The following CRHR1 variants were observed in gnomAD, a reference collection of about 807,000 sequenced individuals.
CRHR1 encodes corticotropin releasing hormone receptor 1, also known as corticotropin-releasing hormone receptor 1.
A neutral mutation model predicts 56.0 loss-of-function variants in CRHR1; 28 were observed. That is an observed-to-expected ratio of 0.50 (90% CI 0.37 to 0.69). The LOEUF is 0.69. CRHR1 is among the 30% of genes least tolerant of loss of function. CRHR1 has a pLI of 0.00. For missense variants in CRHR1, 376 were observed against 548.0 expected, an observed-to-expected ratio of 0.69 and a Z score of 3.13; for synonymous variants, 195 against 216.5, an observed-to-expected ratio of 0.90 and a Z score of 0.87.
At chr17:45,809,728 C>T (rs772997136) in intron 2 of CRHR1, among the ~76,000 whole-genome samples, 3 of 152,236 alleles carry the variant, frequency 2.0e-5, no homozygotes, top group Non-Finnish European at 4.4e-5. Flanking sequence ...GCCGGGGCGG[C>T]TGGCACCGAG....
intron 8 of CRHR1, among the ~76,000 whole-genome samples, chr17:45,831,813 C>T (rs1329946266): frequency 1.3e-5 from 2 of 152,208 alleles, no homozygotes; most frequent in East Asian, 1.9e-4. Context: ...ACGGACCTGG[C>T]GTCCAAGTGG....
intron 1 of CRHR1, among the ~76,000 whole-genome samples, chr17:45,785,635 G>A (rs746949827): frequency 2.1e-4 from 32 of 152,192 alleles, no homozygotes; most frequent in Non-Finnish European, 2.6e-4. Flanking sequence ...AAGAGACTTC[G>A]GTGGATTTGG....
At chr17:45,806,588 T>C (rs1458150117) in intron 1 of CRHR1, among the ~76,000 whole-genome samples, 2 of 152,044 alleles carry the variant, frequency 1.3e-5, no homozygotes, top group African/African-American at 4.8e-5. Flanking sequence ...TCAGCGGCCA[T>C]GGTGGTCAGC....
intron 2 of CRHR1, among the ~76,000 whole-genome samples, chr17:45,813,871 C>A (rs1445110352): frequency 1.3e-5 from 2 of 152,356 alleles, no homozygotes; most frequent in East Asian, 3.9e-4. Flanking sequence ...CCTGCCCACC[C>A]CTTGAAGGTC....
intron 4 of CRHR1, among the ~76,000 whole-genome samples, chr17:45,823,876 C>T (rs2143155621): frequency 6.6e-6 from 1 of 151,028 alleles, no homozygotes; most frequent in Non-Finnish European, 1.5e-5. Context: ...CTCACGAGTT[C>T]TTCCACGGTG....
intron 5 of CRHR1, 67 bp from the exon 6 acceptor site, chr17:45,830,027 G>A (rs1275937975): frequency 1.2e-6 from 2 of 1,602,332 alleles, no homozygotes; most frequent in African/African-American, 1.3e-5. Context: ...CTGGGGTGAT[G>A]GAGGTGGCCT....
chr17:45,831,787 G>A (rs1220722544), intron 8 of CRHR1, among the ~76,000 whole-genome samples: 1 of 152,222 alleles, frequency 6.6e-6, no homozygotes, highest in Non-Finnish European at 1.5e-5. Flanking sequence ...AGTGTTCCCG[G>A]GAACCTATCT....
chr17:45,821,340 C>T lies in CRHR1; in HGVS notation c.242-15C>T. On this transcript the variant is annotated splice_polypyrimidine_tract_variant and intron_variant, in intron 3 of 12. Coordinates refer to ENST00000314537, the MANE Select transcript of CRHR1 (RefSeq NM_004382.5). ...GGGCTGCCCCGCCATCACTGCCTCT[C>T]TCTTCCTTTTCCAGACAATGGCTAC... 1.2e-6 allele frequency: 2 copies of T among 1,612,918 alleles called. No homozygotes were observed. Among genetic ancestry groups the T allele is most frequent in the Middle Eastern group, 1.7e-4 (1 of 6,058 alleles).
At chr17:45,788,517 A>AATT (rs1368722149) in intron 1 of CRHR1, among the ~76,000 whole-genome samples, 3 of 152,164 alleles carry the variant, frequency 2.0e-5, no homozygotes, top group African/African-American at 7.2e-5. Flanking sequence ...ACTTGGACCT[A>AATT]AGTACTCTCT....
In CRHR1 at chr17:45,791,850, TCTCACACA is replaced by T. The variant is rs1555648329; in HGVS notation, c.33+7275_33+7282del. Among the ~76,000 whole-genome samples the T allele has an allele frequency of 8.4e-4, 94 of 112,266 alleles. 1 individual carries two copies. Among genetic ancestry groups the T allele is most frequent in the African/African-American group, 2.6e-3 (85 of 32,636 alleles). The allele number at this position is 112,266 out of a possible 152,430, so 73.7% of individuals were successfully genotyped here. A position where few individuals can be genotyped will look rare whatever the true frequency, so the allele number is the denominator to read the frequency against. On this transcript the variant is annotated intron_variant, in intron 1 of 12. Transcript: ENST00000314537. ...CTCTCTCTTTCTCTCTCTCTCTCTC[TCTCACACA>T]CACACACACACACACACACACACAC...
In CRHR1 at chr17:45,823,870, C is replaced by A. The variant is rs150712807; in HGVS notation, c.327+2430C>A. 2.6e-3 allele frequency among the ~76,000 whole-genome samples: 391 copies of A among 152,276 alleles called. 2 individuals are homozygous for A. The highest frequency in any genetic ancestry group is 8.6e-3 in the African/African-American group (356 of 41,578). On this transcript the variant is annotated intron_variant, in intron 4 of 12. Transcript: ENST00000314537. ...GTCAATGCCTAGCTTAAAAGACTCA[C>A]GAGTTCTTCCACGGTGCTGCTCTGG... is the stretch of plus-strand genomic sequence containing the variant.
intron 1 of CRHR1, among the ~76,000 whole-genome samples, chr17:45,799,041 G>A (rs556785953): frequency 1.1e-4 from 17 of 152,326 alleles, no homozygotes; most frequent in African/African-American, 1.7e-4. Flanking sequence ...GGCCCGAGGC[G>A]GGATGGGGAG....
intron 3 of CRHR1, among the ~76,000 whole-genome samples, chr17:45,818,983 C>A (rs992443451): frequency 5.3e-5 from 8 of 152,170 alleles, no homozygotes; most frequent in African/African-American, 1.9e-4. Context: ...CACCTCCTTT[C>A]TCCCCATCAA....
intron 4 of CRHR1, chr17:45,826,301 T>G (rs949031779): frequency 1.3e-5 from 2 of 152,244 alleles, no homozygotes; most frequent in Non-Finnish European, 2.9e-5. Flanking sequence ...CTCTAAATAA[T>G]GCTGGCCAGA....
Position 45,829,293 on chromosome 17 carries a change from G to A in CRHR1, c.406G>A (p.Val136Met), listed in dbSNP as rs747059493. Residue 136 changes from valine to methionine, a missense_variant, in exon 5 of 13, where the codon GTG becomes ATG. Physicochemically the swap from Val to Met is conservative, Grantham distance 21. Transcript: ENST00000314537. ...CTGTATCTCCCTGGTGGCCCTCCTG[G>A]TGGCCTTTGTCCTCTTTCTGCGGCT... ...GHCISLVALLVAFVLFLRLRS... is the reference protein window; with the variant it reads ...GHCISLVALLMAFVLFLRLRS... The A allele has an allele frequency of 2.5e-6, 4 of 1,614,048 alleles. No homozygotes were observed. Among genetic ancestry groups the A allele is most frequent in the East Asian group, 2.2e-5 (1 of 44,886 alleles).
At position 45,816,523 on chromosome 17, in the gene CRHR1, G is replaced by A; in HGVS notation, c.182G>A (p.Gly61Glu). 1 of 1,614,106 alleles carries A rather than the reference G, an allele frequency of 6.2e-7. No homozygotes were observed. Among genetic ancestry groups the A allele is most frequent in the South Asian group, 1.1e-5 (1 of 91,076 alleles). Residue 61 changes from glycine to glutamate, a missense_variant, in exon 3 of 13, where the codon GGG becomes GAG. Around this residue, in one of 2 missense-constraint regions of CRHR1, gnomAD observed 369 missense variants for 519.5 expected, o/e 0.71. Coordinates refer to ENST00000314537, the MANE Select transcript of CRHR1 (RefSeq NM_004382.5). ...IGTCWPRSPA[G>E]QLVVRPCPAF... is the part of the protein sequence containing the mutation. ...ACCTGCTGGCCCCGCAGCCCTGCGG[G>A]GCAGCTAGTGGTTCGGCCCTGCCCT...
intron 1 of CRHR1, among the ~76,000 whole-genome samples, chr17:45,796,293 C>G (rs1233347075): frequency 6.6e-6 from 1 of 151,588 alleles, no homozygotes; most frequent in Non-Finnish European, 1.5e-5. Flanking sequence ...GGCACTGGAT[C>G]AGAACCCTGG....
rs28364020 is a variant in CRHR1, at chr17:45,784,487, C to T, written c.-58C>T. Reference sequence around the variant, plus strand: ...CCCGAGCCCGCAGCCGCCCGCCGGTCCCTCTGGGATGTCCGTAGGACCCGG... The same window carrying T: ...CCCGAGCCCGCAGCCGCCCGCCGGTTCCTCTGGGATGTCCGTAGGACCCGG... On this transcript the variant is annotated 5_prime_UTR_variant, in exon 1 of 13. Coordinates refer to ENST00000314537, the MANE Select transcript of CRHR1 (RefSeq NM_004382.5). This position sits in a 1 kb window ranked among gnomAD's most constrained non-coding sequence, Gnocchi z 4.2. The T allele has an allele frequency of 0.15, 213,154 of 1,462,418 alleles. 16,195 individuals carry two copies. Among genetic ancestry groups the T allele is most frequent in the Admixed American group, 0.16 (6,913 of 42,742 alleles). The allele number at this position is 1,462,418 out of a possible 1,614,324, so 90.6% of individuals were successfully genotyped here.
rs538777115 is a variant in CRHR1, at chr17:45,810,285, A to AAAT, written c.121+3208_121+3210dup. Among the ~76,000 whole-genome samples the AAAT allele has an allele frequency of 3.8e-3, 572 of 151,766 alleles. 1 individual carries two copies. Among genetic ancestry groups the AAAT allele is most frequent in the East Asian group, 0.025 (128 of 5,160 alleles). ...GGGCGACAGAGCGAGACTCTGTCTC[A>AAAT]AATAATAATAATAATAATAATAGCT... On this transcript the variant is annotated intron_variant, in intron 2 of 12. Coordinates refer to ENST00000314537, the MANE Select transcript of CRHR1 (RefSeq NM_004382.5).
Sources: gnomAD v4.1 joint callset for allele counts (sites outside exome capture counted in the v4.1 genomes callset) on GRCh38, gnomAD v4.1.1 for gene constraint, gnomAD v4.1.1 regional missense constraint, Gnocchi (gnomAD v3.1) non-coding constraint, MANE v1.5 for transcripts, NCBI Gene and HGNC (gene_info 2026-07-23, HGNC 2026-07-21) for gene names.